The following WNT9B variants were observed in gnomAD, a reference collection of about 807,000 sequenced individuals.
The protein encoded by WNT9B is Wnt family member 9B.
A neutral mutation model predicts 30.2 loss-of-function variants in WNT9B; 12 were observed. The observed-to-expected ratio is 0.40, with a 90% CI of 0.26 to 0.64. WNT9B has a LOEUF of 0.64. Ranked by LOEUF, WNT9B falls within the 30% of genes least tolerant of loss-of-function variation. The probability of loss-of-function intolerance (pLI) is 0.42; values close to 1 mark genes in which losing one functional copy is unlikely to be tolerated. For synonymous variants in WNT9B, 218 were observed against 216.9 expected (o/e 1.01, Z -0.05); for missense variants, 442 against 485.2 (o/e 0.91, Z 0.84).
rs2085389422 is a variant in WNT9B, at chr17:46,879,101, T to C, written c.*2383T>C. On this transcript the variant is annotated 3_prime_UTR_variant, in exon 4 of 4. Transcript: ENST00000290015. The stretch of plus-strand genomic sequence containing the variant: ...TTGTCTACCTCAAATATATAGTTTT[T>C]AGAGCAAAGGAGAATAATTTATATA... Among the ~76,000 whole-genome samples the C allele has an allele frequency of 6.6e-6, 1 of 152,214 alleles. No homozygotes were observed. Among genetic ancestry groups the C allele is most frequent in the Non-Finnish European group, 1.5e-5 (1 of 68,038 alleles).
At chr17:46,836,392 G>A (rs920044325) in intron 1 of WNT9B, among the ~76,000 whole-genome samples, 57 of 152,148 alleles carry the variant, frequency 3.7e-4, no homozygotes, top group Non-Finnish European at 6.2e-4. Context: ...GGACCCAGAA[G>A]GAAAGTGGAG....
chr17:46,860,327 G>A (rs746303535), intron 1 of WNT9B, among the ~76,000 whole-genome samples: 3 of 152,174 alleles, frequency 2.0e-5, no homozygotes, highest in Non-Finnish European at 4.4e-5. Context: ...ATGTGCTCAG[G>A]TGGAAGTTGG....
chr17:46,845,214 A>T (rs1489612130), intron 1 of WNT9B, among the ~76,000 whole-genome samples: 2 of 151,908 alleles, frequency 1.3e-5, no homozygotes, highest in Non-Finnish European at 2.9e-5. Flanking sequence ...TCTGTTGTAA[A>T]ACACCCCAAC....
At chr17:46,845,848 T>C (rs960380081) in intron 1 of WNT9B, among the ~76,000 whole-genome samples, 8 of 142,348 alleles carry the variant, frequency 5.6e-5, no homozygotes, top group African/African-American at 2.1e-4. Context: ...TAGAGTGCAG[T>C]GGTGTGGTCT....
rs1348922623 is a variant in WNT9B at position 46,851,621 on chromosome 17, C to A, written c.-18C>A. Reference sequence around the variant, plus strand: ...AGCGGCGCGAGGAGATGCTAGAGGGCGCAGCGCCGCCAGCACCATGCGCCC... The same window carrying A: ...AGCGGCGCGAGGAGATGCTAGAGGGAGCAGCGCCGCCAGCACCATGCGCCC... On this transcript the variant is annotated 5_prime_UTR_variant, in exon 1 of 4. Transcript: ENST00000290015. The surrounding 1 kb of genome is among the most constrained non-coding windows in gnomAD (Gnocchi z 4.3). 2 of 1,249,390 alleles carry A rather than the reference C, an allele frequency of 1.6e-6. No individual in the cohort carries two copies. Among genetic ancestry groups the A allele is most frequent in the South Asian group, 2.9e-5 (1 of 34,284 alleles). The allele number at this position is 1,249,390 out of a possible 1,614,324, so 77.4% of individuals were successfully genotyped here.
At chr17:46,883,341 A>G (rs182110894), downstream of WNT9B, among the ~76,000 whole-genome samples, 181 of 142,898 alleles carry the variant, frequency 1.3e-3, no homozygotes, top group African/African-American at 4.6e-3. Flanking sequence ...CTGGAGTGCA[A>G]TGGCGCAATC....
At chr17:46,867,423 T>C (rs1387758197) in intron 1 of WNT9B, among the ~76,000 whole-genome samples, 2 of 152,206 alleles carry the variant, frequency 1.3e-5, no homozygotes, top group East Asian at 3.9e-4. Context: ...TTTGATGGAA[T>C]GAGCTCAGTT....
chr17:46,863,926 C>T lies in WNT9B; in HGVS notation c.78-8591C>T, dbSNP rs1017161272. Among the ~76,000 whole-genome samples the T allele has an allele frequency of 3.3e-5, 5 of 152,288 alleles. No individual in the cohort carries two copies. In the East Asian group the frequency reaches 9.6e-4, roughly 29 times the overall value. On this transcript the variant is annotated intron_variant, in intron 1 of 3. Transcript: ENST00000290015. ...GATCAGGCAGGGAGGTTCCTGCTGTCCCTACAGCTGGGCGAAGGGTGTGGG... is the reference window on the plus strand; with the variant it reads ...GATCAGGCAGGGAGGTTCCTGCTGTTCCTACAGCTGGGCGAAGGGTGTGGG...
chr17:46,834,624 G>T (rs1287626551), intron 1 of WNT9B, among the ~76,000 whole-genome samples: 1 of 152,138 alleles, frequency 6.6e-6, no homozygotes, highest in African/African-American at 2.4e-5. Flanking sequence ...CTGTCCCTGA[G>T]GCTGGGCACA....
intron 1 of WNT9B, among the ~76,000 whole-genome samples, chr17:46,869,723 G>A (rs995064532): frequency 6.6e-6 from 1 of 152,206 alleles, no homozygotes; most frequent in South Asian, 2.1e-4. Flanking sequence ...CTTGGGCAGG[G>A]TGCAGTGGCT....
intron 1 of WNT9B, among the ~76,000 whole-genome samples, chr17:46,841,082 G>C (rs1231364883): frequency 2.0e-5 from 3 of 152,190 alleles, no homozygotes; most frequent in Non-Finnish European, 2.9e-5. Flanking sequence ...AGGTTGGAAG[G>C]CTTATCCCTA....
At chr17:46,837,134 G>A (rs981327224) in intron 1 of WNT9B, among the ~76,000 whole-genome samples, 1 of 152,050 alleles carries the variant, frequency 6.6e-6, no homozygotes, top group African/African-American at 2.4e-5. Flanking sequence ...GTAGAGATGG[G>A]GTTTCACCAT....
At chr17:46,882,303 T>C (rs1022889643), downstream of WNT9B, among the ~76,000 whole-genome samples, 7 of 152,240 alleles carry the variant, frequency 4.6e-5, no homozygotes, top group Non-Finnish European at 1.0e-4. Context: ...ATAACAGTGA[T>C]AGTTTGAAGA....
At chr17:46,853,159 C>G (rs996326459) in intron 1 of WNT9B, among the ~76,000 whole-genome samples, 1 of 152,258 alleles carries the variant, frequency 6.6e-6, no homozygotes, top group South Asian at 2.1e-4. Context: ...GTCATCATCA[C>G]TAGGGCACAG....
intron 1 of WNT9B, among the ~76,000 whole-genome samples, chr17:46,853,573 T>C (rs2084892072): frequency 6.6e-6 from 1 of 152,152 alleles, no homozygotes; most frequent in Non-Finnish European, 1.5e-5. Context: ...TGTTTCACCA[T>C]GTTGGCCAGG....
At position 46,872,780 on chromosome 17, in the gene WNT9B, A is replaced by AGGAGGGCTAGGGGACGG; in HGVS notation, c.334+16_334+32dup. The AGGAGGGCTAGGGGACGG allele has an allele frequency of 1.5e-6, 2 of 1,358,828 alleles. No individual in the cohort carries two copies. The highest frequency in any genetic ancestry group is 5.7e-5 in the East Asian group (2 of 35,254). The allele number at this position is 1,358,828 out of a possible 1,614,324, so 84.2% of individuals were successfully genotyped here. On this transcript the variant is annotated splice_region_variant and intron_variant, in intron 2 of 3. Transcript: ENST00000290015. ...ATGGGCCTGCTCAAGAGAGGTGGGG[A>AGGAGGGCTAGGGGACGG]GGAGGGCTAGGGGACGGGGAGGGCT...
intron 1 of WNT9B, among the ~76,000 whole-genome samples, chr17:46,839,973 TTTCTC>T (rs1202125305): frequency 2.1e-5 from 3 of 140,486 alleles, no homozygotes; most frequent in Non-Finnish European, 3.1e-5. Flanking sequence ...TCTTTCTTTC[TTTCTC>T]TTCTTTCTTT....
intron 1 of WNT9B, among the ~76,000 whole-genome samples, chr17:46,838,679 TAC>T (rs2084662724): frequency 6.6e-6 from 1 of 152,028 alleles, no homozygotes; most frequent in African/African-American, 2.4e-5. Context: ...AAAGTACATA[TAC>T]ACACACATCC....
Position 46,879,287 on chromosome 17 carries a change from A to G in WNT9B, c.*2569A>G, listed in dbSNP as rs1243252348. ...TGAGCAGGAGGCCGGGTCGCTGGGA[A>G]GGAGGACAAACCTGTATTCCATGAC... On this transcript the variant is annotated 3_prime_UTR_variant, in exon 4 of 4. Transcript: ENST00000290015. Among the ~76,000 whole-genome samples, 2 of 152,128 alleles carry G rather than the reference A, an allele frequency of 1.3e-5. No individual in the cohort carries two copies. The highest frequency in any genetic ancestry group is 3.9e-4 in the East Asian group (2 of 5,176).
Sources: gnomAD v4.1 joint callset for allele counts (sites outside exome capture counted in the v4.1 genomes callset) on GRCh38, gnomAD v4.1.1 for gene constraint, Gnocchi (gnomAD v3.1) non-coding constraint, MANE v1.5 for transcripts, NCBI Gene and HGNC (gene_info 2026-07-23, HGNC 2026-07-21) for gene names.